ZNF208: variants seen among roughly 807,000 people sequenced by gnomAD.
ZNF208 encodes zinc finger protein 95.
In ZNF208, 10 loss-of-function variants were observed where a neutral mutation model predicts 12.1. The observed-to-expected ratio is 0.83, with a 90% CI of 0.51 to 1.40. ZNF208 has a LOEUF of 1.40. ZNF208 is among the 40% of genes most tolerant of loss of function. ZNF208 has a pLI of 0.00. For missense variants in ZNF208, 1,652 were observed against 1,485.0 expected, an observed-to-expected ratio of 1.11 and a Z score of -1.85; for synonymous variants, 497 against 488.4, an observed-to-expected ratio of 1.02 and a Z score of -0.23.
chr19:22,000,594 A>G (rs1189418332), intron 1 of ZNF208, among the ~76,000 whole-genome samples: 1 of 152,172 alleles, frequency 6.6e-6, no homozygotes, highest in East Asian at 1.9e-4. Context: ...TTAAATCCCC[A>G]GATCAAAAAG....
chr19:21,961,290 G>A (rs916243946), downstream of ZNF208, among the ~76,000 whole-genome samples: 1 of 152,124 alleles, frequency 6.6e-6, no homozygotes, highest in Non-Finnish European at 1.5e-5. Context: ...TTTTATTAAG[G>A]ACTTCAAAAG....
chr19:21,955,972 C>G (rs1351797676), intron 4 of ZNF208, among the ~76,000 whole-genome samples: 2 of 152,182 alleles, frequency 1.3e-5, no homozygotes, highest in East Asian at 3.8e-4. Flanking sequence ...GGGGTTTTAT[C>G]TACCTTTGGT....
chr19:22,004,598 A>C (rs1220696079), intron 1 of ZNF208, among the ~76,000 whole-genome samples: 1 of 152,176 alleles, frequency 6.6e-6, no homozygotes, highest in Non-Finnish European at 1.5e-5. Flanking sequence ...AACAAAAAAA[A>C]CAAGATTATG....
chr19:21,962,487 A>G (rs939833145), downstream of ZNF208, among the ~76,000 whole-genome samples: 25 of 152,160 alleles, frequency 1.6e-4, no homozygotes, highest in Admixed American at 1.6e-3. Context: ...TGCTCAAATC[A>G]CCATTTCCTT....
chr19:21,965,182 G>T (rs1311214018), downstream of ZNF208, among the ~76,000 whole-genome samples: 3 of 151,840 alleles, frequency 2.0e-5, no homozygotes, highest in South Asian at 4.1e-4. Flanking sequence ...TGTATGTTCA[G>T]GTTTTTTAGC....
chr19:21,947,324 G>A (rs1969829774), intron 4 of ZNF208, among the ~76,000 whole-genome samples: 1 of 152,118 alleles, frequency 6.6e-6, no homozygotes, highest in Non-Finnish European at 1.5e-5. Context: ...AATCTAAACA[G>A]TTCCTTTATG....
intron 3 of ZNF208, among the ~76,000 whole-genome samples, chr19:21,978,740 T>C (rs545493549): frequency 1.3e-5 from 2 of 152,154 alleles, no homozygotes; most frequent in South Asian, 2.1e-4. Context: ...AATTGACAGC[T>C]CAAATTTGAC....
chr19:21,961,300 G>C (rs1189578112), downstream of ZNF208, among the ~76,000 whole-genome samples: 1 of 152,152 alleles, frequency 6.6e-6, no homozygotes, highest in Non-Finnish European at 1.5e-5. Flanking sequence ...GACTTCAAAA[G>C]GGGAGGGGGT....
chr19:21,978,260 A>G (rs1479821077), intron 3 of ZNF208, among the ~76,000 whole-genome samples: 3 of 152,144 alleles, frequency 2.0e-5, no homozygotes, highest in African/African-American at 7.2e-5. Flanking sequence ...GGTCCCTGAC[A>G]CCCGTGTCTC....
intron 1 of ZNF208, among the ~76,000 whole-genome samples, chr19:22,005,846 T>C (rs1025163221): frequency 7.2e-5 from 11 of 152,128 alleles, no homozygotes; most frequent in African/African-American, 2.7e-4. Flanking sequence ...AGATAATAAA[T>C]AGCCGGGATT....
At chr19:21,960,798 G>C (rs1970053532) in intron 4 of ZNF208, among the ~76,000 whole-genome samples, 2 of 152,188 alleles carry the variant, frequency 1.3e-5, no homozygotes, top group African/African-American at 2.4e-5. Flanking sequence ...TGTGAAACTA[G>C]AAAAAGATGC....
At chr19:21,999,652 C>T (rs1222437948) in intron 1 of ZNF208, among the ~76,000 whole-genome samples, 1 of 151,636 alleles carries the variant, frequency 6.6e-6, no homozygotes, top group African/African-American at 2.4e-5. Flanking sequence ...TTTGTGTCTA[C>T]TTTAAAGACT....
At chr19:21,988,655 T>C (rs1476696461) in intron 2 of ZNF208, 128 bp downstream of exon 2, 8 of 1,573,894 alleles carry the variant, frequency 5.1e-6, no homozygotes, top group African/African-American at 1.4e-5. Flanking sequence ...TGACCCCTTC[T>C]TCCAAATATA....
chr19:21,953,145 C>T (rs531694687), intron 4 of ZNF208, among the ~76,000 whole-genome samples: 42 of 152,206 alleles, frequency 2.8e-4, no homozygotes, highest in African/African-American at 1.0e-3. Context: ...AACAAAGCCT[C>T]CAAGAACTGT....
At chr19:21,961,511 G>T (rs908137140), downstream of ZNF208, among the ~76,000 whole-genome samples, 1 of 152,062 alleles carries the variant, frequency 6.6e-6, no homozygotes, top group African/African-American at 2.4e-5. Context: ...CAGAAAATTG[G>T]GTTCGAGAGC....
At chr19:21,981,340 A>G (rs563956803) in intron 3 of ZNF208, among the ~76,000 whole-genome samples, 55 of 152,318 alleles carry the variant, frequency 3.6e-4, no homozygotes, top group Middle Eastern at 6.8e-3. Context: ...ATCCAGCAGC[A>G]CATCAAAAAG....
rs1970271453 is a variant in ZNF208, at chr19:21,971,123, G to T, written c.*68C>A. 2 of 1,613,034 alleles carry T rather than the reference G, an allele frequency of 1.2e-6. No homozygotes were observed. Among genetic ancestry groups the T allele is most frequent in the East Asian group, 2.2e-5 (1 of 44,822 alleles). ...TTCACATTTGTAGGGTTTCTCTCCAGTATGAATTTTCTTATGATAACTAAG... is the reference window on the plus strand; with the variant it reads ...TTCACATTTGTAGGGTTTCTCTCCATTATGAATTTTCTTATGATAACTAAG... On this transcript the variant is annotated 3_prime_UTR_variant, in exon 4 of 4. Coordinates refer to ENST00000397126, the MANE Select transcript of ZNF208 (RefSeq NM_007153.3).
intron 1 of ZNF208, among the ~76,000 whole-genome samples, chr19:21,996,428 A>G (rs1970836790): frequency 6.6e-6 from 1 of 152,236 alleles, no homozygotes; most frequent in Non-Finnish European, 1.5e-5. Context: ...ATTTATAGCT[A>G]CTTGTGGCAA....
At position 21,966,697 on chromosome 19, in the gene ZNF208, G is replaced by T. The variant is rs1019038070; in HGVS notation, c.*4494C>A. 6.6e-6 allele frequency: 1 copy of T among 152,046 alleles called. No homozygotes were observed. The highest frequency in any genetic ancestry group is 6.6e-5 in the Admixed American group (1 of 15,256). The allele number at this position is 152,046 out of a possible 1,614,324, so 9.4% of individuals were successfully genotyped here. A position where few individuals can be genotyped will look rare whatever the true frequency, so the allele number is the denominator to read the frequency against. On this transcript the variant is annotated 3_prime_UTR_variant, in exon 4 of 4. Transcript: ENST00000397126. ...GAAGTCCCCAAACTGCTTTGCACAG[G>T]TTCTGAATTAATTTGCATTCCCACC...
Sources: gnomAD v4.1 joint callset for allele counts (sites outside exome capture counted in the v4.1 genomes callset) on GRCh38, gnomAD v4.1.1 for gene constraint, MANE v1.5 for transcripts, NCBI Gene and HGNC (gene_info 2026-07-23, HGNC 2026-07-21) for gene names.